The following HHAT variants were observed in gnomAD, a reference collection of about 807,000 sequenced individuals.
The protein encoded by HHAT is protein-cysteine N-palmitoyltransferase HHAT.
Under a neutral mutation model 70.8 loss-of-function variants are expected in HHAT, and 47 were observed. The observed-to-expected ratio is 0.66, with a 90% CI of 0.53 to 0.85. HHAT has a LOEUF of 0.85. HHAT is among the 40% of genes least tolerant of loss of function. The pLI is 0.00. For synonymous variants in HHAT, 228 were observed against 247.6 expected, an observed-to-expected ratio of 0.92 and a Z score of 0.74; for missense variants, 609 against 604.8, an observed-to-expected ratio of 1.01 and a Z score of -0.07.
chr1:210,413,359 T>G (rs2092621958), intron 6 of HHAT, among the ~76,000 whole-genome samples: 1 of 152,224 alleles, frequency 6.6e-6, no homozygotes, highest in South Asian at 2.1e-4. Context: ...CTGACTAACC[T>G]TATCAGGTGG....
intron 8 of HHAT, among the ~76,000 whole-genome samples, chr1:210,510,671 T>A (rs768112196): frequency 6.6e-6 from 1 of 152,196 alleles, no homozygotes; most frequent in Non-Finnish European, 1.5e-5. Flanking sequence ...ATTTTAGGGT[T>A]CAGTTTGATT....
intron 1 of HHAT, among the ~76,000 whole-genome samples, chr1:210,338,263 C>T (rs112187888): frequency 3.2e-4 from 48 of 152,192 alleles, no homozygotes; most frequent in African/African-American, 1.1e-3. Context: ...TTGCTTGAGC[C>T]TGGGAAGTTG....
intron 10 of HHAT, among the ~76,000 whole-genome samples, chr1:210,593,286 T>A (rs1407846678): frequency 2.0e-5 from 3 of 152,186 alleles, no homozygotes; most frequent in Admixed American, 6.6e-5. Context: ...TATTTTTAGT[T>A]TTTCTACCTT....
intron 11 of HHAT, among the ~76,000 whole-genome samples, chr1:210,649,483 A>G (rs1329672929): frequency 6.6e-6 from 1 of 152,212 alleles, no homozygotes; most frequent in Non-Finnish European, 1.5e-5. Context: ...TAGTGTTGGG[A>G]CCTAACATCA....
chr1:210,493,180 G>A (rs1265155633), intron 8 of HHAT, among the ~76,000 whole-genome samples: 1 of 151,966 alleles, frequency 6.6e-6, no homozygotes, highest in Admixed American at 6.6e-5. Context: ...GGAGATCTAT[G>A]GGTCTTATGG....
chr1:210,362,839 T>C lies in HHAT; in HGVS notation c.92-13T>C, dbSNP rs1000466904. The stretch of plus-strand genomic sequence containing the variant: ...AGATTTGTGACTAACGAAGACTTTT[T>C]TTTTTTGGTCAGAACACGAAGAGGA... On this transcript the variant is annotated splice_polypyrimidine_tract_variant and intron_variant, in intron 2 of 11. Coordinates refer to ENST00000261458, the MANE Select transcript of HHAT (RefSeq NM_018194.6). The C allele has an allele frequency of 6.2e-7, 1 of 1,612,762 alleles. No individual in the cohort carries two copies. Among genetic ancestry groups the C allele is most frequent in the Non-Finnish European group, 8.5e-7 (1 of 1,179,148 alleles).
At chr1:210,472,406 GC>G (rs931003823) in intron 8 of HHAT, among the ~76,000 whole-genome samples, 12 of 152,170 alleles carry the variant, frequency 7.9e-5, no homozygotes, top group African/African-American at 2.9e-4. Flanking sequence ...CAAGCACATG[GC>G]TCTTGAGTCT....
At chr1:210,379,535 C>A (rs776040054) in intron 3 of HHAT, among the ~76,000 whole-genome samples, 1 of 152,210 alleles carries the variant, frequency 6.6e-6, no homozygotes, top group African/African-American at 2.4e-5. Flanking sequence ...ACCGTGGGCT[C>A]ACTTCTTTTC....
intron 9 of HHAT, among the ~76,000 whole-genome samples, chr1:210,541,080 A>G (rs1393438186): frequency 6.6e-6 from 1 of 152,140 alleles, no homozygotes; most frequent in African/African-American, 2.4e-5. Context: ...AGCTCAGGCA[A>G]TACGCCTGCC....
intron 9 of HHAT, among the ~76,000 whole-genome samples, chr1:210,581,883 C>T (rs570202617): frequency 9.9e-5 from 15 of 152,108 alleles, no homozygotes; most frequent in Middle Eastern, 3.4e-3. Flanking sequence ...AATTATGTTA[C>T]GTATTTAAGT....
intron 4 of HHAT, among the ~76,000 whole-genome samples, chr1:210,390,969 A>C (rs894701271): frequency 7.2e-5 from 11 of 152,234 alleles, no homozygotes. Context: ...ATGCAAGTGC[A>C]TGTGCCTTTT....
intron 3 of HHAT, among the ~76,000 whole-genome samples, chr1:210,369,434 GAC>G (rs900380836): frequency 1.3e-5 from 2 of 152,206 alleles, no homozygotes; most frequent in Non-Finnish European, 2.9e-5. Flanking sequence ...CTTCTATAAA[GAC>G]ACAGTTCTTA....
chr1:210,450,943 C>T (rs1459229008), intron 7 of HHAT, among the ~76,000 whole-genome samples: 6 of 151,734 alleles, frequency 4.0e-5, no homozygotes, highest in East Asian at 1.9e-4. Context: ...AAAAATTAGC[C>T]GGGTGTGGTG....
At chr1:210,386,310 C>G (rs2091066432) in intron 3 of HHAT, among the ~76,000 whole-genome samples, 1 of 130,734 alleles carries the variant, frequency 7.6e-6, no homozygotes, top group South Asian at 2.6e-4. Flanking sequence ...GGGATTTCGG[C>G]TCACTGCAAG....
intron 9 of HHAT, among the ~76,000 whole-genome samples, chr1:210,570,799 G>T (rs1048603696): frequency 6.6e-6 from 1 of 152,168 alleles, no homozygotes; most frequent in Non-Finnish European, 1.5e-5. Flanking sequence ...ATAAGGTGAC[G>T]CAGCAGGAAA....
chr1:210,333,397 C>A (rs1273001063), intron 1 of HHAT, among the ~76,000 whole-genome samples: 1 of 151,972 alleles, frequency 6.6e-6, no homozygotes, highest in Non-Finnish European at 1.5e-5. Flanking sequence ...GCACTCTAGC[C>A]TGCATGACAG....
intron 11 of HHAT, among the ~76,000 whole-genome samples, chr1:210,666,409 T>A (rs964918382): frequency 6.6e-6 from 1 of 152,196 alleles, no homozygotes; most frequent in Non-Finnish European, 1.5e-5. Flanking sequence ...GAGCCCAGTG[T>A]TCAGTCCTAC....
chr1:210,622,994 A>G (rs537774200), intron 10 of HHAT, among the ~76,000 whole-genome samples: 3 of 152,298 alleles, frequency 2.0e-5, no homozygotes, highest in Admixed American at 6.5e-5. Context: ...AAGCCCTCGC[A>G]TTTTGTTCCA....
intron 10 of HHAT, among the ~76,000 whole-genome samples, chr1:210,618,360 C>A (rs1233363855): frequency 6.6e-6 from 1 of 152,114 alleles, no homozygotes; most frequent in Non-Finnish European, 1.5e-5. Flanking sequence ...TCCACCAACC[C>A]CTCCCTTGCC....
Sources: allele counts gnomAD v4.1 joint callset (sites outside exome capture counted in the v4.1 genomes callset), GRCh38; gene constraint gnomAD v4.1.1; transcripts MANE v1.5; gene names NCBI Gene and HGNC (gene_info 2026-07-23, HGNC 2026-07-21).